The following MLLT3 variants were observed in gnomAD, a reference collection of about 807,000 sequenced individuals.
MLLT3 encodes the protein protein AF-9.
MLLT3 carries 4 observed loss-of-function variants against 53.2 expected under a neutral mutation model. The observed-to-expected ratio is 0.08, with a 90% CI of 0.04 to 0.17. MLLT3 has a LOEUF of 0.17. Among genes scored for constraint, MLLT3 ranks in the 10% least tolerant of loss-of-function variants. MLLT3 has a pLI of 1.00. For synonymous variants in MLLT3, 283 were observed against 230.6 expected, an observed-to-expected ratio of 1.23 and a Z score of -2.06; for missense variants, 569 against 684.0, an observed-to-expected ratio of 0.83 and a Z score of 1.87.
Position 20,582,105 on chromosome 9 carries a change from C to T in MLLT3, c.193+38549G>A, listed in dbSNP as rs1005322684. Among the ~76,000 whole-genome samples the T allele has an allele frequency of 6.6e-5, 10 of 152,218 alleles. No homozygotes were observed. In the East Asian group the frequency reaches 1.7e-3, roughly 26 times the overall value. ...AGTTTTAGGTTTCAGAAAAATTAAG[C>T]AGAAAGTACAGAGAGTTCTTACATA... On this transcript the variant is annotated intron_variant, in intron 2 of 10. Transcript: ENST00000380338.
At chr9:20,538,336 A>C (rs755910512) in intron 2 of MLLT3, among the ~76,000 whole-genome samples, 1 of 152,232 alleles carries the variant, frequency 6.6e-6, no homozygotes, top group Non-Finnish European at 1.5e-5. Flanking sequence ...CAAAGGGGTC[A>C]AATTACTTGC....
chr9:20,527,967 A>C (rs1818243451), intron 2 of MLLT3, among the ~76,000 whole-genome samples: 3 of 152,246 alleles, frequency 2.0e-5, no homozygotes, highest in Admixed American at 2.0e-4. Context: ...CCAAGAAAGC[A>C]CAATAAATGT....
intron 2 of MLLT3, among the ~76,000 whole-genome samples, chr9:20,517,940 C>G (rs987608631): frequency 6.6e-6 from 1 of 152,042 alleles, no homozygotes; most frequent in African/African-American, 2.4e-5. Flanking sequence ...AGGCAACTCA[C>G]AAGAAATTAC....
chr9:20,609,047 G>T (rs1408733614), intron 2 of MLLT3, among the ~76,000 whole-genome samples: 1 of 151,972 alleles, frequency 6.6e-6, no homozygotes, highest in African/African-American at 2.4e-5. Flanking sequence ...AAGATACTCT[G>T]TCAAGAAGCA....
intron 2 of MLLT3, among the ~76,000 whole-genome samples, chr9:20,528,406 T>C (rs965016606): frequency 6.6e-6 from 1 of 152,248 alleles, no homozygotes; most frequent in Non-Finnish European, 1.5e-5. Flanking sequence ...TATATTAGTT[T>C]CCTGTGGCTG....
intron 9 of MLLT3, among the ~76,000 whole-genome samples, chr9:20,353,950 C>T (rs539014003): frequency 7.9e-6 from 1 of 126,330 alleles, no homozygotes; most frequent in Non-Finnish European, 1.5e-5. Flanking sequence ...ACAAAGGCTA[C>T]TTTCATTTTT....
intron 2 of MLLT3, among the ~76,000 whole-genome samples, chr9:20,618,207 G>A (rs765467313): frequency 5.2e-4 from 79 of 152,064 alleles, no homozygotes; most frequent in Non-Finnish European, 1.0e-3. Context: ...TTTCCAATTG[G>A]TAGAATTTTA....
intron 2 of MLLT3, among the ~76,000 whole-genome samples, chr9:20,615,355 C>A (rs1463218637): frequency 2.6e-5 from 2 of 76,556 alleles, no homozygotes; most frequent in Non-Finnish European, 2.2e-5. Context: ...AGGGCCAGAC[C>A]ATGTGAAAAA....
chr9:20,480,141 G>A (rs1824625799), intron 2 of MLLT3, among the ~76,000 whole-genome samples: 1 of 152,176 alleles, frequency 6.6e-6, no homozygotes, highest in Non-Finnish European at 1.5e-5. Flanking sequence ...TTTCTGGAAA[G>A]CAGGTTTAAG....
At chr9:20,487,744 G>A (rs1824850069) in intron 2 of MLLT3, among the ~76,000 whole-genome samples, 1 of 152,040 alleles carries the variant, frequency 6.6e-6, no homozygotes, top group Admixed American at 6.5e-5. Context: ...CAAAAATCAA[G>A]GCATTAGTGG....
intron 2 of MLLT3, among the ~76,000 whole-genome samples, chr9:20,504,350 TTGTGTG>T (rs71334530): frequency 7.4e-5 from 11 of 149,086 alleles, no homozygotes; most frequent in Middle Eastern, 3.4e-3. Context: ...CCCAATGGAA[TTGTGTG>T]TGTGTGTGTG....
At position 20,609,908 on chromosome 9, in the gene MLLT3, A is replaced by G. The variant is rs144134322; in HGVS notation, c.193+10746T>C. ...CAAGAATATCATTCTCCGAACTACT[A>G]CTTAGGAAGAGTCAGAAATTAAATA... On this transcript the variant is annotated intron_variant, in intron 2 of 10. Transcript: ENST00000380338. Among the ~76,000 whole-genome samples the G allele has an allele frequency of 4.5e-4, 68 of 152,198 alleles. No individual in the cohort carries two copies. In the East Asian group the frequency reaches 0.01, roughly 23 times the overall value.
At chr9:20,376,354 T>C (rs931421920) in intron 5 of MLLT3, among the ~76,000 whole-genome samples, 1 of 152,194 alleles carries the variant, frequency 6.6e-6, no homozygotes, top group Non-Finnish European at 1.5e-5. Context: ...GTTATACCCA[T>C]CATTTTCTGA....
At chr9:20,364,020 G>C (rs1821389159) in intron 6 of MLLT3, among the ~76,000 whole-genome samples, 1 of 152,158 alleles carries the variant, frequency 6.6e-6, no homozygotes, top group Non-Finnish European at 1.5e-5. Context: ...GGTACTTTTT[G>C]ATCCATTAAG....
intron 2 of MLLT3, among the ~76,000 whole-genome samples, chr9:20,502,937 A>C (rs1825284504): frequency 2.6e-5 from 4 of 152,230 alleles, no homozygotes; most frequent in Admixed American, 2.6e-4. Context: ...AATTAAGAAA[A>C]CAATCCATTC....
At chr9:20,496,051 T>C (rs749724580) in intron 2 of MLLT3, among the ~76,000 whole-genome samples, 1 of 152,204 alleles carries the variant, frequency 6.6e-6, no homozygotes, top group Non-Finnish European at 1.5e-5. Flanking sequence ...ATATGCAACA[T>C]GTCACACTTG....
chr9:20,477,323 C>T (rs1480493366), intron 2 of MLLT3, among the ~76,000 whole-genome samples: 1 of 152,116 alleles, frequency 6.6e-6, no homozygotes, highest in Non-Finnish European at 1.5e-5. Context: ...CTACAAGTTG[C>T]TTATGCCCTT....
intron 2 of MLLT3, among the ~76,000 whole-genome samples, chr9:20,504,350 TTGTG>T (rs71334530): frequency 4.0e-5 from 6 of 148,970 alleles, no homozygotes; most frequent in African/African-American, 7.4e-5. Flanking sequence ...CCCAATGGAA[TTGTG>T]TGTGTGTGTG....
At chr9:20,611,869 T>C (rs1180413355) in intron 2 of MLLT3, among the ~76,000 whole-genome samples, 2 of 152,144 alleles carry the variant, frequency 1.3e-5, no homozygotes, top group African/African-American at 2.4e-5. Context: ...CTTCATGTAA[T>C]TGCAATTCTT....
Sources: gnomAD v4.1 joint callset for allele counts (sites outside exome capture counted in the v4.1 genomes callset) on GRCh38, gnomAD v4.1.1 for gene constraint, MANE v1.5 for transcripts, NCBI Gene and HGNC (gene_info 2026-07-23, HGNC 2026-07-21) for gene names.